BIRC3: variants seen among roughly 807,000 people sequenced by gnomAD.
The protein encoded by BIRC3 is baculoviral IAP repeat containing 3, also known as baculoviral IAP repeat-containing protein 3.
Under a neutral mutation model 59.0 loss-of-function variants are expected in BIRC3, and 26 were observed. That is an observed-to-expected ratio of 0.44 (90% confidence interval 0.32 to 0.61). The LOEUF (loss-of-function observed/expected upper bound fraction) is 0.61, where lower values mean the gene tolerates loss of function less well. Among genes scored for constraint, BIRC3 ranks in the 20% least tolerant of loss-of-function variants. BIRC3 has a pLI of 0.04. For missense variants in BIRC3, 641 were observed against 711.5 expected (o/e 0.90, Z 1.13); for synonymous variants, 243 against 249.2 (o/e 0.98, Z 0.24).
In BIRC3 at chr11:102,339,056, T is replaced by C. The variant is rs910308946; in HGVS notation, c.*1954T>C. The C allele has an allele frequency of 4.7e-6, 1 of 210,660 alleles. No homozygotes were observed. The highest frequency in any genetic ancestry group is 9.6e-6 in the Non-Finnish European group (1 of 103,782). The allele number at this position is 210,660 out of a possible 1,614,324, so 13.0% of individuals were successfully genotyped here. On this transcript the variant is annotated 3_prime_UTR_variant, in exon 9 of 9. Transcript: ENST00000263464. ...GGAGACTTATTTCCTTGAAATGCAA[T>C]TGATTTTGCCTCTGCTAAGAGGCTC...
At chr11:102,333,715 C>A (rs17878915) in intron 6 of BIRC3, among the ~76,000 whole-genome samples, 148 of 152,156 alleles carry the variant, frequency 9.7e-4, no homozygotes, top group Middle Eastern at 3.4e-3. Context: ...CGCTGCACTC[C>A]AGCCTGGGTG....
chr11:102,337,049 T>C lies in BIRC3; in HGVS notation c.1762T>C (p.Cys588Arg). The change falls in exon 9 of 9, where the codon TGT becomes CGT. Residue 588 changes from cysteine (C) to arginine (R), a missense_variant. Cys to Arg is a radical substitution (Grantham distance 180). Coordinates refer to ENST00000263464, the MANE Select transcript of BIRC3 (RefSeq NM_001165.5). ...CKDCAPSLRK[C>R]PICRSTIKGT... ...AGATTGTGCTCCTTCTTTAAGAAAGTGTCCTATTTGTAGGAGTACAATCAA... is the reference window on the plus strand; with the variant it reads ...AGATTGTGCTCCTTCTTTAAGAAAGCGTCCTATTTGTAGGAGTACAATCAA... 1.3e-6 allele frequency: 2 copies of C among 1,596,382 alleles called. No individual in the cohort carries two copies. The highest frequency in any genetic ancestry group is 1.7e-6 in the Non-Finnish European group (2 of 1,176,046).
rs1243425278 is a variant in BIRC3, at chr11:102,335,959, T to C, written c.1325-7T>C. 1.3e-5 allele frequency: 21 copies of C among 1,599,698 alleles called. No homozygotes were observed. The highest frequency in any genetic ancestry group is 1.8e-5 in the Non-Finnish European group (21 of 1,174,292). ...ACATGTTTATGCTTGTTTTCTTTTT[T>C]ATAAAGATGATTTATTATTAATCCG... is the stretch of plus-strand genomic sequence containing the variant. On this transcript the variant is annotated splice_region_variant and splice_polypyrimidine_tract_variant and intron_variant, in intron 6 of 8. Transcript: ENST00000263464.
chr11:102,325,646 T>A, intron 3 of BIRC3, 81 bp downstream of exon 3: 1 of 1,297,036 alleles, frequency 7.7e-7, no homozygotes, highest in Non-Finnish European at 1.1e-6. Context: ...AATCAGTTGT[T>A]ACTTTACTCT....
chr11:102,321,450 G>T (rs766348553), intron 1 of BIRC3, among the ~76,000 whole-genome samples: 16 of 152,078 alleles, frequency 1.1e-4, no homozygotes, highest in Non-Finnish European at 2.2e-4. Flanking sequence ...CACCTCCCAG[G>T]CTCACATGAT....
intron 1 of BIRC3, among the ~76,000 whole-genome samples, chr11:102,318,200 T>C: frequency 6.6e-6 from 1 of 152,340 alleles, no homozygotes; most frequent in Non-Finnish European, 1.5e-5. Context: ...TACATGTATT[T>C]TTCACGTTTA....
At chr11:102,317,838 TTG>T (rs1950986378) in intron 1 of BIRC3, among the ~76,000 whole-genome samples, 1 of 152,180 alleles carries the variant, frequency 6.6e-6, no homozygotes, top group African/African-American at 2.4e-5. Context: ...AATTGTGAAG[TTG>T]TGGCATTTTG....
Position 102,331,048 on chromosome 11 carries a change from G to C in BIRC3, c.1131G>C (p.Met377Ile). ...ACCATTCAGAAGATGCAATCATGAT[G>C]AATACTCCTGTGATTAATGCTGCCG... ...GEDHSEDAIM[M>I]NTPVINAAVE... is the part of the protein sequence containing the mutation. Residue 377 changes from methionine to isoleucine, a missense_variant, in exon 6 of 9, where the codon ATG (methionine) becomes ATC (isoleucine). Physicochemically the swap from Met to Ile is conservative, Grantham distance 10. Coordinates refer to ENST00000263464, the MANE Select transcript of BIRC3 (RefSeq NM_001165.5). The C allele has an allele frequency of 2.5e-6, 4 of 1,613,798 alleles. No homozygotes were observed. Among genetic ancestry groups the C allele is most frequent in the Non-Finnish European group, 3.4e-6 (4 of 1,179,854 alleles).
In BIRC3 at chr11:102,328,040, T is replaced by C. The variant is rs1236070382; in HGVS notation, c.954-12T>C. 3 of 1,588,530 alleles carry C rather than the reference T, an allele frequency of 1.9e-6. No homozygotes were observed. Among genetic ancestry groups the C allele is most frequent in the Non-Finnish European group, 2.6e-6 (3 of 1,168,140 alleles). ...AAATAATCCCTCAAATTTTATTTTC[T>C]TTACATTTTAGGTGTGAGTACTTGA... On this transcript the variant is annotated splice_polypyrimidine_tract_variant and intron_variant, in intron 3 of 8. Coordinates refer to ENST00000263464, the MANE Select transcript of BIRC3 (RefSeq NM_001165.5).
At chr11:102,336,423 C>T in intron 7 of BIRC3, 1 of 609,574 alleles carries the variant, frequency 1.6e-6, no homozygotes, top group Non-Finnish European at 2.7e-6. Context: ...GAGACCCCAT[C>T]ACTACAAAAA....
Position 102,328,871 on chromosome 11 carries a change from TATATATA to T in BIRC3, c.1033-25_1033-19del. The T allele has an allele frequency of 7.3e-6, 6 of 823,532 alleles. No homozygotes were observed. The highest frequency in any genetic ancestry group is 9.7e-6 in the Non-Finnish European group (6 of 619,874). The allele number at this position is 823,532 out of a possible 1,614,324, so 51.0% of individuals were successfully genotyped here. On this transcript the variant is annotated intron_variant, in intron 4 of 8. Coordinates refer to ENST00000263464, the MANE Select transcript of BIRC3 (RefSeq NM_001165.5). The stretch of plus-strand genomic sequence containing the variant: ...TTCTATTTTAATTTATATATATATA[TATATATA>T]TATTTTTTTTTTCTGCAGCTGCTAT...
intron 8 of BIRC3, 30 bp downstream of exon 8, chr11:102,336,831 A>G: frequency 6.3e-7 from 1 of 1,592,754 alleles, no homozygotes; most frequent in South Asian, 1.2e-5. Flanking sequence ...AAATCAATAG[A>G]GAACATTGTC....
In BIRC3 at chr11:102,321,843, A is replaced by C. The variant is rs17878442; in HGVS notation, c.-2667A>C. ...TTTGTTTGTTTTTGAACAGGTTTAC[A>C]AAGGAGGAAAACGACTTCTTCTAGA... On this transcript the variant is annotated 5_prime_UTR_variant, in exon 2 of 9. Coordinates refer to ENST00000263464, the MANE Select transcript of BIRC3 (RefSeq NM_001165.5). 0.015 allele frequency: 2,713 copies of C among 179,890 alleles called. 23 individuals carry two copies. The highest frequency in any genetic ancestry group is 0.024 in the Non-Finnish European group (2,004 of 83,864). 11.1% of individuals were successfully genotyped at this position (179,890 alleles called of 1,614,324 possible).
chr11:102,321,565 G>A (rs2135781831), intron 1 of BIRC3, among the ~76,000 whole-genome samples: 1 of 152,252 alleles, frequency 6.6e-6, no homozygotes, highest in East Asian at 1.9e-4. Context: ...ATTTTGGCCA[G>A]GCTGGTTTTG....
At position 102,336,020 on chromosome 11, in the gene BIRC3, G is replaced by A; in HGVS notation, c.1379G>A (p.Cys460Tyr). ...NRMALFQHLTCVIPILDSLLT... is the reference protein window; with the variant it reads ...NRMALFQHLTYVIPILDSLLT... ...ATGGCACTTTTTCAACATTTGACTT[G>A]TGTAATTCCAATCCTGGATAGTCTA... Residue 460 changes from cysteine (C) to tyrosine (Y), a missense_variant, in exon 7 of 9, where the codon TGT becomes TAT. By Grantham distance (194) the Cys-to-Tyr change is radical. This residue lies in a region of BIRC3 where 268 missense variants were observed against 255.7 expected (regional missense o/e 1.05). Coordinates refer to ENST00000263464, the MANE Select transcript of BIRC3 (RefSeq NM_001165.5). 1 of 1,613,222 alleles carries A rather than the reference G, an allele frequency of 6.2e-7. No homozygotes were observed. The highest frequency in any genetic ancestry group is 8.5e-7 in the Non-Finnish European group (1 of 1,179,536).
Position 102,336,774 on chromosome 11 carries a change from A to C in BIRC3, c.1594A>C (p.Lys532Gln). Reference sequence around the variant, plus strand: ...TTCTCCCTTAGTGCAACAGGACATAAAATATATTCCCACAGAAGATGTTTC... The same window carrying C: ...TTCTCCCTTAGTGCAACAGGACATACAATATATTCCCACAGAAGATGTTTC... ...YEHLFVQQDI[K>Q]YIPTEDVSDL... The change falls in exon 8 of 9, where the codon AAA becomes CAA. Residue 532 changes from lysine to glutamine, a missense_variant. Coordinates refer to ENST00000263464, the MANE Select transcript of BIRC3 (RefSeq NM_001165.5). 2 of 1,607,874 alleles carry C rather than the reference A, an allele frequency of 1.2e-6. No individual in the cohort carries two copies. The highest frequency in any genetic ancestry group is 1.7e-4 in the Middle Eastern group (1 of 6,044).
chr11:102,321,000 A>G (rs1004562478), intron 1 of BIRC3, among the ~76,000 whole-genome samples: 4 of 152,218 alleles, frequency 2.6e-5, no homozygotes, highest in Non-Finnish European at 5.9e-5. Flanking sequence ...CTAGAATGTG[A>G]TGGGAAGTCT....
At chr11:102,320,110 C>T (rs999997098) in intron 1 of BIRC3, 1 of 152,102 alleles carries the variant, frequency 6.6e-6, no homozygotes, top group African/African-American at 2.4e-5. Context: ...CTCAAGTTAT[C>T]TGCTTTCCTT....
intron 5 of BIRC3, 136 bp from the exon 6 acceptor site, chr11:102,330,863 A>C (rs1951130830): frequency 9.4e-6 from 8 of 846,922 alleles, no homozygotes; most frequent in African/African-American, 6.9e-5. Flanking sequence ...GTTCATACAA[A>C]ATAATGCCTA....
Sources: allele counts gnomAD v4.1 joint callset (sites outside exome capture counted in the v4.1 genomes callset), GRCh38; gene constraint gnomAD v4.1.1; regional missense constraint gnomAD v4.1.1; transcripts MANE v1.5; gene names NCBI Gene and HGNC (gene_info 2026-07-23, HGNC 2026-07-21).